Variants in SPAM1 observed in about 807,000 individuals in gnomAD.
The protein encoded by SPAM1 is hyaluronidase PH-20.
SPAM1 carries 22 observed loss-of-function variants against 29.6 expected under a neutral mutation model. That is an observed-to-expected ratio of 0.74 (90% CI 0.53 to 1.06). SPAM1 has a LOEUF of 1.06. SPAM1 is among the 50% of genes least tolerant of loss of function. The pLI, the probability that SPAM1 is intolerant of heterozygous loss-of-function variation, is 0.00. For synonymous variants in SPAM1, 194 were observed against 204.6 expected (o/e 0.95, Z 0.44); for missense variants, 534 against 604.0 (o/e 0.88, Z 1.21).
At chr7:123,929,435 C>T (rs899003639) in intron 1 of SPAM1, among the ~76,000 whole-genome samples, 1 of 152,072 alleles carries the variant, frequency 6.6e-6, no homozygotes, top group Admixed American at 6.6e-5. Flanking sequence ...TACAGTATCA[C>T]CCTGGGTAGG....
rs1344443795 is a variant in SPAM1 at position 123,970,196 on chromosome 7, A to T, written c.1486-2A>T. ...ATTAATTTTCTTATGGTTTTCTTAC[A>T]GTGGAGGCTGGAAGTCTGGGATCAA... On this transcript the variant is annotated splice_acceptor_variant, in intron 5 of 6. Coordinates refer to the SPAM1 transcript ENST00000340011. LOFTEE classifies it high-confidence loss of function. The T allele has an allele frequency of 1.9e-6, 3 of 1,548,656 alleles. No individual in the cohort carries two copies. The highest frequency in any genetic ancestry group is 1.7e-6 in the Non-Finnish European group (2 of 1,145,020).
At chr7:123,958,138 T>C (rs1440730530) in intron 4 of SPAM1, among the ~76,000 whole-genome samples, 2 of 152,002 alleles carry the variant, frequency 1.3e-5, no homozygotes, top group African/African-American at 2.4e-5. Flanking sequence ...CAACAATAGA[T>C]GGCATCATCT....
chr7:123,966,303 C>T (rs559669392), intron 5 of SPAM1, among the ~76,000 whole-genome samples: 90 of 152,176 alleles, frequency 5.9e-4, no homozygotes, highest in African/African-American at 2.1e-3. Flanking sequence ...GAAAAAGGAA[C>T]ATGTTTACAC....
chr7:123,940,038 AT>A (rs1419459813), intron 1 of SPAM1, among the ~76,000 whole-genome samples: 1 of 150,160 alleles, frequency 6.7e-6, no homozygotes, highest in African/African-American at 2.4e-5. Flanking sequence ...TGTTTCCCCT[AT>A]TGCAATTGTT....
At chr7:123,932,861 C>T (rs1051709237) in intron 1 of SPAM1, among the ~76,000 whole-genome samples, 1 of 152,080 alleles carries the variant, frequency 6.6e-6, no homozygotes, top group Admixed American at 6.5e-5. Flanking sequence ...CCCAAGATCT[C>T]AATGGTAACC....
chr7:123,949,782 A>G (rs1371299634), intron 1 of SPAM1, 90 bp from the exon 2 acceptor site: 1 of 152,156 alleles, frequency 6.6e-6, no homozygotes, highest in Non-Finnish European at 1.5e-5. Flanking sequence ...TACAACAGGA[A>G]TAAGAGCTTA....
rs1266492226 is a variant in SPAM1, at chr7:123,959,998, T to C, written c.*29T>C. 1 of 1,570,008 alleles carries C rather than the reference T, an allele frequency of 6.4e-7. No homozygotes were observed. Among genetic ancestry groups the C allele is most frequent in the Non-Finnish European group, 8.6e-7 (1 of 1,163,450 alleles). On this transcript the variant is annotated 3_prime_UTR_variant, in exon 5 of 5. Transcript: ENST00000682466. Reference sequence around the variant, plus strand: ...CGCAGGTTAGCTGAAATGAACAATATGTCCATCTTAAAGTGTGCTTTTTCG... The same window carrying C: ...CGCAGGTTAGCTGAAATGAACAATACGTCCATCTTAAAGTGTGCTTTTTCG...
intron 1 of SPAM1, among the ~76,000 whole-genome samples, chr7:123,940,466 T>C (rs929397164): frequency 3.3e-5 from 5 of 152,002 alleles, no homozygotes; most frequent in Admixed American, 2.6e-4. Context: ...ACAACATAAT[T>C]AGTATTGACT....
At chr7:123,944,918 C>T (rs1808529056) in intron 1 of SPAM1, among the ~76,000 whole-genome samples, 1 of 152,046 alleles carries the variant, frequency 6.6e-6, no homozygotes, top group African/African-American at 2.4e-5. Flanking sequence ...AAGAAAATCT[C>T]ATTATTCTAA....
intron 1 of SPAM1, among the ~76,000 whole-genome samples, chr7:123,928,234 T>C (rs533682629): frequency 6.6e-6 from 1 of 152,246 alleles, no homozygotes; most frequent in East Asian, 1.9e-4. Flanking sequence ...GTAACGCCCA[T>C]TGACTGTGCA....
At chr7:123,932,729 A>C (rs1046734019) in intron 1 of SPAM1, among the ~76,000 whole-genome samples, 2 of 152,222 alleles carry the variant, frequency 1.3e-5, no homozygotes, top group African/African-American at 4.8e-5. Flanking sequence ...TGCTAATCTG[A>C]ATTTGAAAAG....
chr7:123,970,333 G>A (rs1792481823), intron 6 of SPAM1: 1 of 1,459,864 alleles, frequency 6.8e-7, no homozygotes, highest in Non-Finnish European at 9.3e-7. Context: ...ATATGTTTCT[G>A]TCTGTGACCT....
chr7:123,939,254 T>G (rs1808352836), intron 1 of SPAM1, among the ~76,000 whole-genome samples: 1 of 151,878 alleles, frequency 6.6e-6, no homozygotes, highest in Non-Finnish European at 1.5e-5. Context: ...CCCGGCTAAT[T>G]TTTTGTATTT....
At chr7:123,933,137 G>A (rs779338179) in intron 1 of SPAM1, among the ~76,000 whole-genome samples, 2 of 151,560 alleles carry the variant, frequency 1.3e-5, no homozygotes, top group Non-Finnish European at 2.9e-5. Context: ...ATGTGCCATG[G>A]CGGTTTGCTT....
rs1792176379 is a variant in SPAM1, at chr7:123,953,836, C to G, written c.266C>G (p.Thr89Arg). 2 of 1,613,392 alleles carry G rather than the reference C, an allele frequency of 1.2e-6. No individual in the cohort carries two copies. Among genetic ancestry groups the G allele is most frequent in the African/African-American group, 2.7e-5 (2 of 74,872 alleles). ...PRINATGQGV[T>R]IFYVDRLGYY... ...ATAAACGCCACCGGGCAAGGTGTTA[C>G]AATATTTTATGTTGATAGACTTGGC... Residue 89 changes from threonine to arginine, a missense_variant, in exon 3 of 5, where the codon ACA becomes AGA. Coordinates refer to ENST00000682466, the MANE Select transcript of SPAM1 (RefSeq NM_153189.3).
At position 123,954,198 on chromosome 7, in the gene SPAM1, C is replaced by T. The variant is rs376151172; in HGVS notation, c.628C>T (p.Leu210Phe). 6.2e-7 allele frequency: 1 copy of T among 1,613,530 alleles called. No individual in the cohort carries two copies. ...LVETIKLGKL[L>F]RPNHLWGYYL... Reference sequence around the variant, plus strand: ...AGAGACTATAAAATTGGGAAAATTACTTCGGCCAAATCACTTGTGGGGTTA... The same window carrying T: ...AGAGACTATAAAATTGGGAAAATTATTTCGGCCAAATCACTTGTGGGGTTA... Residue 210 changes from leucine (L) to phenylalanine (F), a missense_variant, in exon 3 of 5, where the codon CTT (leucine) becomes TTT (phenylalanine). Coordinates refer to ENST00000682466, the MANE Select transcript of SPAM1 (RefSeq NM_153189.3).
chr7:123,959,737 T>A lies in SPAM1; in HGVS notation c.1298T>A (p.Phe433Tyr). 1 of 1,613,282 alleles carries A rather than the reference T, an allele frequency of 6.2e-7. No individual in the cohort carries two copies. The highest frequency in any genetic ancestry group is 8.5e-7 in the Non-Finnish European group (1 of 1,179,560). ...GACCTGGAGCAATTTTCTGAAAAAT[T>A]TTATTGCAGCTGTTATAGCACCTTG... is the stretch of plus-strand genomic sequence containing the variant. ...LEDLEQFSEK[F>Y]YCSCYSTLSC... is the part of the protein sequence containing the mutation. The change falls in exon 5 of 5, where the codon TTT becomes TAT. Residue 433 changes from phenylalanine to tyrosine, a missense_variant. Physicochemically the swap from Phe to Tyr is conservative, Grantham distance 22. Coordinates refer to ENST00000682466, the MANE Select transcript of SPAM1 (RefSeq NM_153189.3).
intron 5 of SPAM1, among the ~76,000 whole-genome samples, chr7:123,967,883 T>C (rs1204322908): frequency 1.3e-5 from 2 of 152,048 alleles, no homozygotes; most frequent in Admixed American, 6.6e-5. Context: ...GCAGGAAAAC[T>C]AGTTAGAAGG....
chr7:123,946,311 A>T, intron 1 of SPAM1, among the ~76,000 whole-genome samples: 1 of 152,110 alleles, frequency 6.6e-6, no homozygotes, highest in East Asian at 1.9e-4. Flanking sequence ...CTCTGGAGGG[A>T]GGGAAGCTTC....
Sources: gnomAD v4.1 joint callset for allele counts (sites outside exome capture counted in the v4.1 genomes callset) on GRCh38, gnomAD v4.1.1 for gene constraint, MANE v1.5 for transcripts, NCBI Gene and HGNC (gene_info 2026-07-23, HGNC 2026-07-21) for gene names.